Variants in OTOL1 observed in about 807,000 individuals in gnomAD.
OTOL1 encodes the protein otolin-1.
OTOL1 carries 31 observed loss-of-function variants against 25.0 expected under a neutral mutation model. The ratio of observed to expected loss-of-function variants is 1.24; its 90% confidence interval spans 0.93 to 1.67. The LOEUF (loss-of-function observed/expected upper bound fraction) is 1.67, where lower values mean the gene tolerates loss of function less well. Among genes scored for constraint, OTOL1 ranks in the 40% most tolerant of loss-of-function variants. The pLI, the probability that OTOL1 is intolerant of heterozygous loss-of-function variation, is 0.00. For missense variants in OTOL1, 654 were observed against 587.7 expected (o/e 1.11, Z -1.17); for synonymous variants, 225 against 210.3 (o/e 1.07, Z -0.61).
intron 2 of OTOL1, among the ~76,000 whole-genome samples, chr3:161,500,821 G>A (rs1427204908): frequency 2.0e-5 from 3 of 152,126 alleles, no homozygotes; most frequent in African/African-American, 4.8e-5. Context: ...CATTTCATGC[G>A]GAGTGGTGTT....
chr3:161,501,523 T>C (rs951425135), intron 2 of OTOL1, among the ~76,000 whole-genome samples: 16 of 151,008 alleles, frequency 1.1e-4, no homozygotes, highest in Non-Finnish European at 2.2e-4. Context: ...TATACTTACA[T>C]AGATACTCTA....
chr3:161,502,357 C>T lies in OTOL1; in HGVS notation c.505C>T (p.Pro169Ser). Residue 169 changes from proline (P) to serine (S), a missense_variant, in exon 3 of 4, where the codon CCG becomes TCG. Coordinates refer to ENST00000327928, the MANE Select transcript of OTOL1 (RefSeq NM_001080440.1). Reference sequence around the variant, plus strand: ...AGGAGTTCCAGGATACCCAGGAAAACCGGGAGCACAAGGTAGAGCATGAAA... The same window carrying T: ...AGGAGTTCCAGGATACCCAGGAAAATCGGGAGCACAAGGTAGAGCATGAAA... The part of the protein sequence containing the change: ...DQGVPGYPGK[P>S]GAQGEPGPKG... 1 of 1,613,274 alleles carries T rather than the reference C, an allele frequency of 6.2e-7. No individual in the cohort carries two copies. The highest frequency in any genetic ancestry group is 1.3e-5 in the African/African-American group (1 of 75,018).
At chr3:161,498,009 C>T (rs1292371384) in intron 1 of OTOL1, among the ~76,000 whole-genome samples, 1 of 152,106 alleles carries the variant, frequency 6.6e-6, no homozygotes, top group African/African-American at 2.4e-5. Flanking sequence ...TTCATTTCAT[C>T]CCTTTGTAGG....
intron 1 of OTOL1, among the ~76,000 whole-genome samples, chr3:161,497,532 C>G (rs872675): frequency 0.32 from 48,585 of 151,850 alleles, 7,965 homozygotes; most frequent in Middle Eastern, 0.34. Context: ...GCATGGTGCT[C>G]TGGTTCTTCA....
At position 161,503,608 on chromosome 3, in the gene OTOL1, A is replaced by G. The variant is rs570932275; in HGVS notation, c.1100A>G (p.Tyr367Cys). 5 of 1,613,758 alleles carry G rather than the reference A, an allele frequency of 3.1e-6. No homozygotes were observed. The highest frequency in any genetic ancestry group is 4.2e-6 in the Non-Finnish European group (5 of 1,179,854). Residue 367 changes from tyrosine (Y) to cysteine (C), a missense_variant, in exon 4 of 4, where the codon TAT becomes TGT. Tyr to Cys is a radical substitution (Grantham distance 194). Coordinates refer to ENST00000327928, the MANE Select transcript of OTOL1 (RefSeq NM_001080440.1). Reference sequence around the variant, plus strand: ...CCCATCAAATTTGAAAAGATTCTCTATAATGACCAAGGGAATTACAGTCCT... The same window carrying G: ...CCCATCAAATTTGAAAAGATTCTCTGTAATGACCAAGGGAATTACAGTCCT... ...NIPIKFEKIL[Y>C]NDQGNYSPVT... is the part of the protein sequence containing the mutation.
rs1718855055 is a variant in OTOL1, at chr3:161,497,185, TAAG to T, written c.364+18_364+20del. ...CTGGACAGCCAGGTATTAGAAAATA[TAAG>T]AAGTCATGTTTCTCACTTGTACATT... On this transcript the variant is annotated intron_variant, in intron 1 of 3. Coordinates refer to ENST00000327928, the MANE Select transcript of OTOL1 (RefSeq NM_001080440.1). The T allele has an allele frequency of 6.3e-7, 1 of 1,593,770 alleles. No individual in the cohort carries two copies.
chr3:161,502,219 C>T, intron 2 of OTOL1, 88 bp from the exon 3 acceptor site: 1 of 1,255,348 alleles, frequency 8.0e-7, no homozygotes, highest in Non-Finnish European at 1.1e-6. Context: ...TTAAAGAAAA[C>T]ACTAGAATGT....
At chr3:161,501,419 T>TAGTC (rs10663074) in intron 2 of OTOL1, among the ~76,000 whole-genome samples, 48,319 of 151,678 alleles carry the variant, frequency 0.32, 7,844 homozygotes, top group African/African-American at 0.33. Flanking sequence ...TATGGGCTGT[T>TAGTC]AGGCCCAATA....
Position 161,503,513 on chromosome 3 carries a change from TG to T in OTOL1, c.1006del (p.Glu336SerfsTer61). 1 of 1,613,466 alleles carries T rather than the reference TG, an allele frequency of 6.2e-7. No homozygotes were observed. Among genetic ancestry groups the T allele is most frequent in the South Asian group, 1.1e-5 (1 of 91,038 alleles). ...GSRGFKGSKG[E>X]LARVPRSAFS... ...CTCGGGGCTTTAAAGGCTCCAAGGG[TG>T]AGTTGGCTAGAGTGCCCCGGTCGGC... On this transcript the variant is annotated frameshift_variant, in exon 4 of 4. Transcript: ENST00000327928. LOFTEE classifies it low-confidence loss of function (END_TRUNC).
At chr3:161,499,562 GGGGAA>G (rs1380168678) in intron 2 of OTOL1, among the ~76,000 whole-genome samples, 2 of 152,042 alleles carry the variant, frequency 1.3e-5, no homozygotes, top group Admixed American at 1.3e-4. Flanking sequence ...TATAGTCTCT[GGGGAA>G]GGGTATAGAG....
rs1426517489 is a variant in OTOL1, at chr3:161,502,327, G to C, written c.475G>C (p.Asp159His). Residue 159 changes from aspartate to histidine, a missense_variant, in exon 3 of 4, where the codon GAC becomes CAC. Coordinates refer to ENST00000327928, the MANE Select transcript of OTOL1 (RefSeq NM_001080440.1). ...CTTAGGACTCAAAGGAGAACGTGGGGACCAAGGAGTTCCAGGATACCCAGG... is the reference window on the plus strand; with the variant it reads ...CTTAGGACTCAAAGGAGAACGTGGGCACCAAGGAGTTCCAGGATACCCAGG... The part of the protein sequence containing the change: ...GEKGLKGERG[D>H]QGVPGYPGKP... The C allele has an allele frequency of 1.9e-6, 3 of 1,613,416 alleles. No homozygotes were observed. The highest frequency in any genetic ancestry group is 4.5e-5 in the East Asian group (2 of 44,838).
chr3:161,497,166 A>G lies in OTOL1; in HGVS notation c.359A>G (p.Gln120Arg). ...GQKGEPGETG[Q>R]PGPKGEAGNL... Reference sequence around the variant, plus strand: ...AAAGGAGAACCTGGAGAGACTGGACAGCCAGGTATTAGAAAATATAAGAAG... The same window carrying G: ...AAAGGAGAACCTGGAGAGACTGGACGGCCAGGTATTAGAAAATATAAGAAG... Residue 120 changes from glutamine (Q) to arginine (R), a missense_variant, in exon 1 of 4, where the codon CAG becomes CGG. By Grantham distance (43) the Gln-to-Arg change is conservative. Coordinates refer to ENST00000327928, the MANE Select transcript of OTOL1 (RefSeq NM_001080440.1). 6.2e-7 allele frequency: 1 copy of G among 1,605,810 alleles called. No homozygotes were observed. Among genetic ancestry groups the G allele is most frequent in the South Asian group, 1.1e-5 (1 of 89,958 alleles).
intron 2 of OTOL1, among the ~76,000 whole-genome samples, chr3:161,501,462 T>C (rs543843600): frequency 5.3e-4 from 81 of 152,238 alleles, no homozygotes; most frequent in African/African-American, 1.9e-3. Flanking sequence ...ATGACAAATA[T>C]CTGAAAATCC....
Position 161,503,438 on chromosome 3 carries a change from G to A in OTOL1, c.930G>A (p.Lys310=). ...PPGLLGPTGP[K]GDIGNKGVRG... ...GTCTCCTGGGACCTACTGGGCCGAAGGGTGACATTGGCAACAAAGGGGTCC... is the reference window on the plus strand; with the variant it reads ...GTCTCCTGGGACCTACTGGGCCGAAAGGTGACATTGGCAACAAAGGGGTCC... The change falls in exon 4 of 4, where the codon AAG becomes AAA. Residue 310 remains lysine, a synonymous_variant. Transcript: ENST00000327928. The A allele has an allele frequency of 6.2e-7, 1 of 1,613,758 alleles. No individual in the cohort carries two copies. Among genetic ancestry groups the A allele is most frequent in the Non-Finnish European group, 8.5e-7 (1 of 1,179,826 alleles).
rs1488292942 is a variant in OTOL1 at position 161,503,258 on chromosome 3, G to A, written c.750G>A (p.Arg250=). The A allele has an allele frequency of 6.8e-7, 1 of 1,461,896 alleles. No homozygotes were observed. The highest frequency in any genetic ancestry group is 9.0e-7 in the Non-Finnish European group (1 of 1,107,112). The allele number at this position is 1,461,896 out of a possible 1,614,324, so 90.6% of individuals were successfully genotyped here. Residue 250 remains arginine, a synonymous_variant, in exon 4 of 4, where the codon AGG becomes AGA. Coordinates refer to ENST00000327928, the MANE Select transcript of OTOL1 (RefSeq NM_001080440.1). Reference sequence around the variant, plus strand: ...GCTGCTGTGGAGATTCTGGGGAGAGGGGAGGAAAAGGACAGAAAGGTGAGG... The same window carrying A: ...GCTGCTGTGGAGATTCTGGGGAGAGAGGAGGAAAAGGACAGAAAGGTGAGG... ...DKGCCGDSGE[R]GGKGQKGEGG...
At position 161,503,917 on chromosome 3, in the gene OTOL1, A is replaced by C. The variant is rs3921595; in HGVS notation, c.1409A>C (p.Glu470Ala). Residue 470 changes from glutamate to alanine, a missense_variant, in exon 4 of 4, where the codon GAG becomes GCG. Coordinates refer to ENST00000327928, the MANE Select transcript of OTOL1 (RefSeq NM_001080440.1). ...TTTACTGGGTTCCTTTTGTACCCAGAGGAAACTTCTGGAATTTCACCATAA... is the reference window on the plus strand; with the variant it reads ...TTTACTGGGTTCCTTTTGTACCCAGCGGAAACTTCTGGAATTTCACCATAA... ...SIFTGFLLYP[E>A]ETSGISP 0.48 allele frequency: 769,666 copies of C among 1,611,272 alleles called. 186,645 individuals are homozygous for C. Among genetic ancestry groups the C allele is most frequent in the African/African-American group, 0.6 (45,105 of 74,816 alleles).
At chr3:161,501,400 C>CTA (rs1718971163) in intron 2 of OTOL1, among the ~76,000 whole-genome samples, 1 of 147,696 alleles carries the variant, frequency 6.8e-6, no homozygotes, top group South Asian at 2.1e-4. Flanking sequence ...TGTGACTGAA[C>CTA]TATAATAGTA....
chr3:161,498,818 G>T (rs1484260513), intron 1 of OTOL1, among the ~76,000 whole-genome samples: 1 of 152,144 alleles, frequency 6.6e-6, no homozygotes, highest in Non-Finnish European at 1.5e-5. Context: ...AAATCCAAAG[G>T]TGCTAGGTGT....
intron 2 of OTOL1, 37 bp from the exon 3 acceptor site, chr3:161,502,270 T>A: frequency 6.6e-7 from 1 of 1,521,142 alleles, no homozygotes; most frequent in East Asian, 2.3e-5. Context: ...TCATAAATGA[T>A]GTAGTTGGTA....
Sources: allele counts gnomAD v4.1 joint callset (sites outside exome capture counted in the v4.1 genomes callset), GRCh38; gene constraint gnomAD v4.1.1; transcripts MANE v1.5; gene names NCBI Gene and HGNC (gene_info 2026-07-23, HGNC 2026-07-21).